Variants in CHEK1 observed in about 807,000 individuals in gnomAD.
The protein encoded by CHEK1 is serine/threonine-protein kinase Chk1.
Under a neutral mutation model 60.2 loss-of-function variants are expected in CHEK1, and 32 were observed. The observed-to-expected ratio is 0.53, with a 90% confidence interval of 0.40 to 0.71. The LOEUF (loss-of-function observed/expected upper bound fraction) is 0.71. CHEK1 is among the 30% of genes least tolerant of loss of function. The pLI is 0.00. For missense variants in CHEK1, 399 were observed against 564.6 expected (o/e 0.71, Z 2.97); for synonymous variants, 179 against 187.2 (o/e 0.96, Z 0.36).
At chr11:125,680,332 T>C (rs1183056191), downstream of CHEK1, among the ~76,000 whole-genome samples, 1 of 152,166 alleles carries the variant, frequency 6.6e-6, no homozygotes, top group Non-Finnish European at 1.5e-5. Flanking sequence ...TGAGGTTGTT[T>C]TCTGAACACA....
chr11:125,640,136 G>A (rs553840079), intron 8 of CHEK1, among the ~76,000 whole-genome samples: 1 of 152,266 alleles, frequency 6.6e-6, no homozygotes, highest in African/African-American at 2.4e-5. Context: ...TTGTTGCCAA[G>A]AGTCACAGTG....
chr11:125,670,938 A>G (rs1363559125), intron 13 of CHEK1, among the ~76,000 whole-genome samples: 1 of 151,518 alleles, frequency 6.6e-6, no homozygotes, highest in Non-Finnish European at 1.5e-5. Flanking sequence ...GAATTTTCCT[A>G]CCCTTAAATT....
At chr11:125,651,433 G>A (rs922142048) in intron 11 of CHEK1, among the ~76,000 whole-genome samples, 9 of 151,714 alleles carry the variant, frequency 5.9e-5, no homozygotes, top group South Asian at 2.1e-4. Flanking sequence ...GATTACAGGC[G>A]CCTGCCACCA....
intron 6 of CHEK1, among the ~76,000 whole-genome samples, chr11:125,634,435 G>A (rs1045600564): frequency 1.3e-5 from 2 of 151,898 alleles, no homozygotes; most frequent in Non-Finnish European, 2.9e-5. Flanking sequence ...CGATCCTCCT[G>A]CCTCAGTCTC....
At position 125,629,429 on chromosome 11, in the gene CHEK1, TAAA is replaced by T; in HGVS notation, c.394_396del (p.Lys132del). 6.2e-7 allele frequency: 1 copy of T among 1,613,526 alleles called. No individual in the cohort carries two copies. Among genetic ancestry groups the T allele is most frequent in the Admixed American group, 1.7e-5 (1 of 59,998 alleles). On this transcript the variant is annotated inframe_deletion, in exon 5 of 13. Coordinates refer to ENST00000438015, the MANE Select transcript of CHEK1 (RefSeq NM_001114122.3). ...GTATTGGAATAACTCACAGGGATAT[TAAA>T]CCAGAAAATCTTCTGTTGGATGAAA...
At position 125,653,763 on chromosome 11, in the gene CHEK1, TG is replaced by T; in HGVS notation, c.1252del (p.Asp418IlefsTer11). The stretch of plus-strand genomic sequence containing the variant: ...TGCCTTAGGTTACTATATCAACAAC[TG>T]ATAGGAGAAACAATAAACTCATTTT... ...CMNQVTISTT[D>X]RRNNKLIFKV... is the part of the protein sequence containing the mutation. On this transcript the variant is annotated frameshift_variant, in exon 12 of 13. Coordinates refer to ENST00000438015, the MANE Select transcript of CHEK1 (RefSeq NM_001114122.3). LOFTEE classifies it high-confidence loss of function. This position sits in a 1 kb window ranked among gnomAD's most constrained non-coding sequence, Gnocchi z 4.3. 1.3e-6 allele frequency: 2 copies of T among 1,585,050 alleles called. No individual in the cohort carries two copies. The highest frequency in any genetic ancestry group is 1.7e-6 in the Non-Finnish European group (2 of 1,160,046).
downstream of CHEK1, among the ~76,000 whole-genome samples, chr11:125,658,685 C>CTTTTTTTTTTTTTTTTT: frequency 5.7e-5 from 2 of 34,880 alleles, 1 homozygote. Flanking sequence ...ATGGCTTTTG[C>CTTTTTTTTTTTTTTTTT]TTTTTTTTTT....
chr11:125,632,236 T>C (rs905670589), intron 5 of CHEK1, among the ~76,000 whole-genome samples: 7 of 152,240 alleles, frequency 4.6e-5, no homozygotes, highest in Admixed American at 4.6e-4. Context: ...TGGACATTTA[T>C]TTACAAATAA....
chr11:125,638,290 G>T (rs1009716439), intron 8 of CHEK1, among the ~76,000 whole-genome samples: 1 of 152,046 alleles, frequency 6.6e-6, no homozygotes, highest in African/African-American at 2.4e-5. Context: ...GGTGCTGTAG[G>T]TTTTTCTGCT....
chr11:125,651,470 T>G (rs1209919123), intron 11 of CHEK1, among the ~76,000 whole-genome samples: 1 of 152,020 alleles, frequency 6.6e-6, no homozygotes, highest in East Asian at 1.9e-4. Flanking sequence ...GTATTTTTAG[T>G]ACAGACAGGG....
At chr11:125,650,696 G>T (rs192654378) in intron 11 of CHEK1, among the ~76,000 whole-genome samples, 1 of 151,934 alleles carries the variant, frequency 6.6e-6, no homozygotes, top group Non-Finnish European at 1.5e-5. Context: ...TCAGGTGGCT[G>T]GGATTACAGG....
At chr11:125,654,632 T>C (rs924291885) in intron 12 of CHEK1, among the ~76,000 whole-genome samples, 2 of 152,178 alleles carry the variant, frequency 1.3e-5, no homozygotes, top group African/African-American at 4.8e-5. Context: ...GCCCTTGATA[T>C]ATAAAACCAA....
At chr11:125,677,066 AT>A (rs1467458273), downstream of CHEK1, among the ~76,000 whole-genome samples, 1 of 152,212 alleles carries the variant, frequency 6.6e-6, no homozygotes, top group African/African-American at 2.4e-5. Context: ...AAGTGGAAAG[AT>A]TATGGGCTTT....
chr11:125,677,965 G>T (rs751973673), downstream of CHEK1: 2 of 1,612,248 alleles, frequency 1.2e-6, no homozygotes, highest in Non-Finnish European at 1.7e-6. Flanking sequence ...TCACTCAAAG[G>T]CTGTTCTCCG....
At chr11:125,672,071 GT>G in intron 13 of CHEK1, 1 of 152,418 alleles carries the variant, frequency 6.6e-6, no homozygotes, top group Non-Finnish European at 1.5e-5. Context: ...GAAGAGTTGA[GT>G]TTTTGTATGC....
chr11:125,658,991 G>GT (rs1941966959), downstream of CHEK1, among the ~76,000 whole-genome samples: 2 of 152,098 alleles, frequency 1.3e-5, no homozygotes, highest in East Asian at 3.9e-4. Context: ...TGCCTGGCCT[G>GT]TTTTTTGGCT....
intron 1 of CHEK1, 151 bp from the exon 2 acceptor site, chr11:125,626,598 G>A (rs1940623989): frequency 3.0e-6 from 2 of 659,866 alleles, no homozygotes; most frequent in African/African-American, 1.8e-5. Flanking sequence ...ATAGTTGTTC[G>A]TGGTTGAAAG....
At position 125,633,244 on chromosome 11, in the gene CHEK1, G is replaced by A. The variant is rs2135990009; in HGVS notation, c.506G>A (p.Gly169Asp). Residue 169 changes from glycine (G) to aspartate (D), a missense_variant, in exon 6 of 13, where the codon GGT becomes GAT. Gly to Asp is a moderately conservative substitution (Grantham distance 94). Around this residue, in one of 2 missense-constraint regions of CHEK1, gnomAD observed 370 missense variants for 494.8 expected, o/e 0.75. Transcript: ENST00000438015. ...GAGCGTTTGTTGAACAAGATGTGTG[G>A]TACTTTACCATATGTTGCTCCAGAA... ...NRERLLNKMCGTLPYVAPELL... is the reference protein window; with the variant it reads ...NRERLLNKMCDTLPYVAPELL... 1.2e-6 allele frequency: 2 copies of A among 1,607,018 alleles called. No individual in the cohort carries two copies. The highest frequency in any genetic ancestry group is 2.2e-5 in the South Asian group (2 of 89,322).
rs955673709 is a variant in CHEK1 at position 125,672,412 on chromosome 11, G to C, written c.*28-3516G>C. On this transcript the variant is annotated intron_variant, in intron 13 of 13. Transcript: ENST00000428830. Reference sequence around the variant, plus strand: ...GAGTTGGAGCAGGGAAGACAGGACAGAGAAGAATGGATAAAAGCATGAATA... The same window carrying C: ...GAGTTGGAGCAGGGAAGACAGGACACAGAAGAATGGATAAAAGCATGAATA... The C allele has an allele frequency of 7.3e-6, 5 of 687,126 alleles. No individual in the cohort carries two copies. In the African/African-American group the frequency reaches 9.0e-5, roughly 12 times the overall value. 42.6% of individuals were successfully genotyped at this position (687,126 alleles called of 1,614,324 possible).
Sources: allele counts gnomAD v4.1 joint callset (sites outside exome capture counted in the v4.1 genomes callset), GRCh38; gene constraint gnomAD v4.1.1; regional missense constraint gnomAD v4.1.1; non-coding constraint Gnocchi (gnomAD v3.1); transcripts MANE v1.5; gene names NCBI Gene and HGNC (gene_info 2026-07-23, HGNC 2026-07-21).